TMEM132C: variants seen among roughly 807,000 people sequenced by gnomAD.
The protein encoded by TMEM132C is transmembrane protein 132C, also known as protein phosphatase 1, regulatory subunit 152.
In TMEM132C, 29 loss-of-function variants were observed where a neutral mutation model predicts 61.4. The ratio of observed to expected loss-of-function variants is 0.47; its 90% CI spans 0.35 to 0.64. The LOEUF is 0.64. TMEM132C is among the 30% of genes least tolerant of loss of function. The pLI is 0.00. For missense variants in TMEM132C, 1,408 were observed against 1,476.9 expected (o/e 0.95, Z 0.76); for synonymous variants, 656 against 633.1 (o/e 1.04, Z -0.54).
At position 128,514,930 on chromosome 12, in the gene TMEM132C, A is replaced by G. The variant is rs187063282; in HGVS notation, c.975-29027A>G. 1.6e-4 allele frequency among the ~76,000 whole-genome samples: 25 copies of G among 152,340 alleles called. 1 individual carries two copies. Among genetic ancestry groups the G allele is most frequent in the African/African-American group, 4.6e-4 (19 of 41,572 alleles). On this transcript the variant is annotated intron_variant, in intron 2 of 8. Transcript: ENST00000435159. Reference sequence around the variant, plus strand: ...ACAGTGAGCAGACTATTGGCTGTTGATCCTGAGTCCCCGAACAATAAAACA... The same window carrying G: ...ACAGTGAGCAGACTATTGGCTGTTGGTCCTGAGTCCCCGAACAATAAAACA...
chr12:128,321,169 A>AATAATG (rs1872322496), intron 1 of TMEM132C, among the ~76,000 whole-genome samples: 1 of 148,218 alleles, frequency 6.7e-6, no homozygotes, highest in African/African-American at 2.5e-5. Flanking sequence ...TAATAATAAT[A>AATAATG]ATAATAATAA....
At chr12:128,272,303 T>C (rs755185291) in intron 1 of TMEM132C, among the ~76,000 whole-genome samples, 18 of 152,230 alleles carry the variant, frequency 1.2e-4, no homozygotes, top group Non-Finnish European at 4.4e-5. Context: ...TTGGATCTGC[T>C]TTCTTCTACT....
chr12:128,670,578 G>A (rs557547445), intron 5 of TMEM132C, among the ~76,000 whole-genome samples: 10 of 152,166 alleles, frequency 6.6e-5, no homozygotes, highest in East Asian at 1.9e-4. Context: ...CTGTAGGTTC[G>A]TCCACGTTCT....
chr12:128,547,883 C>T (rs184544065), intron 3 of TMEM132C, among the ~76,000 whole-genome samples: 3 of 152,328 alleles, frequency 2.0e-5, no homozygotes, highest in Admixed American at 2.0e-4. Context: ...AAACACCAAA[C>T]ACACACACCA....
intron 1 of TMEM132C, among the ~76,000 whole-genome samples, chr12:128,308,715 G>T (rs1002680385): frequency 3.3e-5 from 5 of 152,078 alleles, no homozygotes; most frequent in Non-Finnish European, 5.9e-5. Flanking sequence ...GTCATCTTCT[G>T]GGGGGAGCTG....
intron 3 of TMEM132C, among the ~76,000 whole-genome samples, chr12:128,603,609 C>T (rs1876285778): frequency 6.6e-6 from 1 of 152,140 alleles, no homozygotes; most frequent in Non-Finnish European, 1.5e-5. Flanking sequence ...AGCCAGTCTA[C>T]AGATTACTTT....
chr12:128,500,437 T>C (rs1872130944), intron 2 of TMEM132C, among the ~76,000 whole-genome samples: 1 of 152,130 alleles, frequency 6.6e-6, no homozygotes, highest in Non-Finnish European at 1.5e-5. Flanking sequence ...TATTTACCAA[T>C]CATTATCTGA....
rs1263222485 is a variant in TMEM132C at position 128,630,555 on chromosome 12, G to C, written c.1305+14220G>C. ...CTGAGCTTTCCCCACTCCCTTTGCA[G>C]TCTCATCTCTGCCAGACACGATGCT... On this transcript the variant is annotated intron_variant, in intron 4 of 8. Coordinates refer to ENST00000435159, the MANE Select transcript of TMEM132C (RefSeq NM_001136103.3). This position sits in a 1 kb window ranked among gnomAD's most constrained non-coding sequence, Gnocchi z 4.3. Among the ~76,000 whole-genome samples the C allele has an allele frequency of 6.6e-6, 1 of 152,094 alleles. No homozygotes were observed. The highest frequency in any genetic ancestry group is 6.5e-5 in the Admixed American group (1 of 15,274).
chr12:128,659,267 T>C (rs981408364), intron 4 of TMEM132C, among the ~76,000 whole-genome samples: 2 of 152,186 alleles, frequency 1.3e-5, no homozygotes, highest in African/African-American at 4.8e-5. Flanking sequence ...TTGGCTCCTG[T>C]GTCTTATTCA....
chr12:128,688,773 G>C (rs1480284501), intron 5 of TMEM132C, among the ~76,000 whole-genome samples: 1 of 152,080 alleles, frequency 6.6e-6, no homozygotes, highest in African/African-American at 2.4e-5. Context: ...TTGATTTTAT[G>C]GTAAAAAATA....
chr12:128,464,761 T>A (rs1019073768), intron 2 of TMEM132C, among the ~76,000 whole-genome samples: 2 of 101,822 alleles, frequency 2.0e-5, no homozygotes, highest in African/African-American at 9.7e-5. Flanking sequence ...AAAGACCCTG[T>A]CAGAAAGAAA....
chr12:128,600,645 A>G (rs1471515860), intron 3 of TMEM132C, among the ~76,000 whole-genome samples: 5 of 152,152 alleles, frequency 3.3e-5, no homozygotes, highest in Non-Finnish European at 5.9e-5. Flanking sequence ...CTGCCTTCCA[A>G]TGCACTCTGG....
intron 4 of TMEM132C, among the ~76,000 whole-genome samples, chr12:128,654,487 A>G (rs1305975296): frequency 6.6e-6 from 1 of 152,202 alleles, no homozygotes; most frequent in Non-Finnish European, 1.5e-5. Context: ...GCTGTACTTC[A>G]TTACAGCAGC....
intron 3 of TMEM132C, among the ~76,000 whole-genome samples, chr12:128,588,144 C>T (rs1236713077): frequency 2.0e-5 from 3 of 152,186 alleles, no homozygotes; most frequent in Non-Finnish European, 4.4e-5. Flanking sequence ...ACTTTCATGT[C>T]TCTTTCTGGC....
rs541894783 is a variant in TMEM132C, at chr12:128,270,324, A to G, written c.85+2837A>G. 3.3e-5 allele frequency among the ~76,000 whole-genome samples: 5 copies of G among 152,336 alleles called. No homozygotes were observed. The South Asian group carries it at 1.0e-3, about 32-fold the overall frequency. ...GATAGAAAAATAGAGGCATGAAGTC[A>G]TATGCATGTGTGGTATGGCACCCTT... On this transcript the variant is annotated intron_variant, in intron 1 of 8. Transcript: ENST00000435159.
chr12:128,404,704 T>C (rs1875278632), intron 1 of TMEM132C: 1 of 152,046 alleles, frequency 6.6e-6, no homozygotes, highest in Admixed American at 6.6e-5. Context: ...AATCCATCCC[T>C]GGTCAACACG....
Position 128,267,496 on chromosome 12 carries a change from G to C in TMEM132C, c.85+9G>C, listed in dbSNP as rs928017961. 7 of 1,242,278 alleles carry C rather than the reference G, an allele frequency of 5.6e-6. No homozygotes were observed. Among genetic ancestry groups the C allele is most frequent in the Admixed American group, 8.5e-5 (2 of 23,508 alleles). 77.0% of individuals were successfully genotyped at this position (1,242,278 alleles called of 1,614,324 possible). On this transcript the variant is annotated intron_variant, in intron 1 of 8. Transcript: ENST00000435159. Reference sequence around the variant, plus strand: ...CGCGCTGCTGGGCAAAGGTAAGGCCGGGGCGGGTGCCTGGCGCGCCGACGC... The same window carrying C: ...CGCGCTGCTGGGCAAAGGTAAGGCCCGGGCGGGTGCCTGGCGCGCCGACGC...
At chr12:128,535,864 T>C (rs1365121531) in intron 2 of TMEM132C, among the ~76,000 whole-genome samples, 1 of 92,992 alleles carries the variant, frequency 1.1e-5, no homozygotes, top group East Asian at 2.2e-4. Flanking sequence ...CAAGACTCCA[T>C]CAAAAAAAAA....
At chr12:128,572,046 A>G (rs576198480) in intron 3 of TMEM132C, among the ~76,000 whole-genome samples, 1 of 151,852 alleles carries the variant, frequency 6.6e-6, no homozygotes, top group Admixed American at 6.5e-5. Flanking sequence ...TCACATTCCT[A>G]CTGTGGCCTC....
Sources: allele counts gnomAD v4.1 joint callset (sites outside exome capture counted in the v4.1 genomes callset), GRCh38; gene constraint gnomAD v4.1.1; non-coding constraint Gnocchi (gnomAD v3.1); transcripts MANE v1.5; gene names NCBI Gene and HGNC (gene_info 2026-07-23, HGNC 2026-07-21).